Variants in ZNF326 observed in about 807,000 individuals in gnomAD.
ZNF326 encodes DBIRD complex subunit ZNF326.
ZNF326 carries 30 observed loss-of-function variants against 63.1 expected under a neutral mutation model. That is an observed-to-expected ratio of 0.48 (90% CI 0.36 to 0.64). ZNF326 has a LOEUF of 0.64. Among genes scored for constraint, ZNF326 ranks in the 30% least tolerant of loss-of-function variants. The probability of loss-of-function intolerance (pLI) is 0.00; values close to 1 mark genes in which losing one functional copy is unlikely to be tolerated. For synonymous variants in ZNF326, 194 were observed against 228.2 expected (o/e 0.85, Z 1.35); for missense variants, 609 against 720.3 (o/e 0.85, Z 1.77).
In ZNF326 at chr1:90,028,042, G is replaced by A. The variant is rs1650106420; in HGVS notation, c.*341G>A. 4.5e-6 allele frequency: 1 copy of A among 221,602 alleles called. No homozygotes were observed. 13.7% of individuals were successfully genotyped at this position (221,602 alleles called of 1,614,324 possible). On this transcript the variant is annotated 3_prime_UTR_variant, in exon 12 of 12. Coordinates refer to ENST00000340281, the MANE Select transcript of ZNF326 (RefSeq NM_182976.4). ...TATCTTAAATGCTGCTCTTGGGAGTGAATATTCAAGTGTGCATCAATTTTT... is the reference window on the plus strand; with the variant it reads ...TATCTTAAATGCTGCTCTTGGGAGTAAATATTCAAGTGTGCATCAATTTTT...
At chr1:90,006,953 T>C (rs1649019718) in intron 4 of ZNF326, among the ~76,000 whole-genome samples, 1 of 152,230 alleles carries the variant, frequency 6.6e-6, no homozygotes, top group African/African-American at 2.4e-5. Flanking sequence ...TTGTAAATGT[T>C]TTGTAATTTT....
At position 90,013,191 on chromosome 1, in the gene ZNF326, A is replaced by T. The variant is rs370289698; in HGVS notation, c.880A>T (p.Arg294Trp). 1.9e-6 allele frequency: 3 copies of T among 1,611,126 alleles called. No homozygotes were observed. Among genetic ancestry groups the T allele is most frequent in the Non-Finnish European group, 2.5e-6 (3 of 1,178,574 alleles). The change falls in exon 7 of 12, where the codon AGG becomes TGG. Residue 294 changes from arginine to tryptophan, a missense_variant. Arg to Trp is a moderately radical substitution (Grantham distance 101, BLOSUM62 -3). This residue lies in a region of ZNF326 where 399 missense variants were observed against 444.3 expected (regional missense o/e 0.90). Transcript: ENST00000340281. ...RRIEARREKQ[R>W]RRREKNSEKY... ...AATTGAGGCTCGGCGAGAGAAACAA[A>T]GGCGCAGAAGAGAAAAAAACAGTGA...
intron 7 of ZNF326, among the ~76,000 whole-genome samples, chr1:90,017,089 A>G (rs991570939): frequency 1.3e-5 from 2 of 152,116 alleles, no homozygotes; most frequent in Admixed American, 1.3e-4. Flanking sequence ...AATTTTTCCT[A>G]CCCGGAAGCT....
intron 2 of ZNF326, among the ~76,000 whole-genome samples, chr1:90,003,974 G>A (rs1299563063): frequency 3.3e-5 from 5 of 152,026 alleles, no homozygotes; most frequent in South Asian, 2.1e-4. Flanking sequence ...GTGTACTATT[G>A]TATTTATTTG....
In ZNF326 at chr1:90,027,748, G is replaced by A. The variant is rs1214910338; in HGVS notation, c.*47G>A. 1.9e-6 allele frequency: 3 copies of A among 1,562,610 alleles called. No individual in the cohort carries two copies. Among genetic ancestry groups the A allele is most frequent in the African/African-American group, 2.7e-5 (2 of 73,214 alleles). ...AGGAGCTTTACATTTCGGTTCTAAT[G>A]TAAAAAAGGGTAAGAAATTTAATAG... On this transcript the variant is annotated 3_prime_UTR_variant, in exon 12 of 12. Coordinates refer to ENST00000340281, the MANE Select transcript of ZNF326 (RefSeq NM_182976.4).
rs575001321 is a variant in ZNF326, at chr1:90,025,817, A to G, written c.1402-1537A>G. On this transcript the variant is annotated intron_variant, in intron 11 of 11. Coordinates refer to ENST00000340281, the MANE Select transcript of ZNF326 (RefSeq NM_182976.4). ...CCTCAAGAACCCCCATTCTGTATTGATGATTAACTCTAGTGACCTTTTTCA... is the reference window on the plus strand; with the variant it reads ...CCTCAAGAACCCCCATTCTGTATTGGTGATTAACTCTAGTGACCTTTTTCA... Among the ~76,000 whole-genome samples, 39 of 152,294 alleles carry G rather than the reference A, an allele frequency of 2.6e-4. No homozygotes were observed. The South Asian group carries it at 7.3e-3, about 28-fold the overall frequency.
At position 90,031,444 on chromosome 1, in the gene ZNF326, G is replaced by A. The variant is rs1433570732; in HGVS notation, c.*3743G>A. On this transcript the variant is annotated 3_prime_UTR_variant, in exon 12 of 12. Coordinates refer to ENST00000340281, the MANE Select transcript of ZNF326 (RefSeq NM_182976.4). ...CAACATTTGATTTATTTACCAAATT[G>A]TCCTTACTTTGAATATAAGCAAACT... is the stretch of plus-strand genomic sequence containing the variant. 2.0e-5 allele frequency: 3 copies of A among 152,032 alleles called. No homozygotes were observed. The highest frequency in any genetic ancestry group is 7.2e-5 in the African/African-American group (3 of 41,394). The allele number at this position is 152,032 out of a possible 1,614,324, so 9.4% of individuals were successfully genotyped here.
At position 90,020,727 on chromosome 1, in the gene ZNF326, T is replaced by C. The variant is rs182570303; in HGVS notation, c.1175-65T>C. 3.0e-4 allele frequency: 456 copies of C among 1,524,882 alleles called. 1 individual carries two copies. The African/African-American group carries it at 4.3e-3, about 14-fold the overall frequency. 94.5% of individuals were successfully genotyped at this position (1,524,882 alleles called of 1,614,324 possible). On this transcript the variant is annotated intron_variant, in intron 9 of 11. Coordinates refer to ENST00000340281, the MANE Select transcript of ZNF326 (RefSeq NM_182976.4). The stretch of plus-strand genomic sequence containing the variant: ...ATAAATAATCATGGAAATTAAGTAG[T>C]AAAAACTTCATTGGTCAGAAATAAC...
intron 11 of ZNF326, 125 bp from the exon 12 acceptor site, chr1:90,027,229 A>G (rs1157096384): frequency 2.3e-6 from 2 of 863,002 alleles, no homozygotes; most frequent in South Asian, 1.7e-5. Flanking sequence ...TGAATTTGTT[A>G]TAATTTACAA....
Position 90,007,804 on chromosome 1 carries a change from C to T in ZNF326, c.615+54C>T. 1 of 1,405,434 alleles carries T rather than the reference C, an allele frequency of 7.1e-7. No individual in the cohort carries two copies. Among genetic ancestry groups the T allele is most frequent in the Non-Finnish European group, 9.4e-7 (1 of 1,066,648 alleles). 87.1% of individuals were successfully genotyped at this position (1,405,434 alleles called of 1,614,324 possible). The stretch of plus-strand genomic sequence containing the variant: ...TTTTCACTAGTCACTCTTTTAAACC[C>T]TTTCAAGACCATCGTTTTCAACTAG... On this transcript the variant is annotated intron_variant, in intron 5 of 11. Coordinates refer to ENST00000340281, the MANE Select transcript of ZNF326 (RefSeq NM_182976.4). This position sits in a 1 kb window ranked among gnomAD's most constrained non-coding sequence, Gnocchi z 4.9.
chr1:90,013,325 T>A (rs1649344593), intron 7 of ZNF326, 88 bp downstream of exon 7: 1 of 1,029,626 alleles, frequency 9.7e-7, no homozygotes, highest in Non-Finnish European at 1.3e-6. Context: ...TAAAAAGTTC[T>A]TAAGATTCAA....
At position 90,035,497 on chromosome 1, in the gene ZNF326, A is replaced by T. The variant is rs573172088; in HGVS notation, c.*7796A>T. ...GCAAAATCCTTATGAGGAAAATGAT[A>T]CATTTTAATGGAGGAAATAAAATGC... On this transcript the variant is annotated 3_prime_UTR_variant, in exon 12 of 12. Transcript: ENST00000340281. 2.6e-5 allele frequency: 4 copies of T among 152,344 alleles called. No homozygotes were observed. The South Asian group carries it at 8.3e-4, about 32-fold the overall frequency. The allele number at this position is 152,344 out of a possible 1,614,324, so 9.4% of individuals were successfully genotyped here.
At position 90,017,347 on chromosome 1, in the gene ZNF326, T is replaced by G; in HGVS notation, c.957T>G (p.Phe319Leu). The change falls in exon 8 of 12, where the codon TTT becomes TTG. Residue 319 changes from phenylalanine (F) to leucine (L), a missense_variant. Physicochemically the swap from Phe to Leu is conservative, Grantham distance 22. Transcript: ENST00000340281. ...CATTTACATGTTCATTTTGTAAATTTCGAACATTTGAAGAAAAAGATATTG... is the reference window on the plus strand; with the variant it reads ...CATTTACATGTTCATTTTGTAAATTGCGAACATTTGAAGAAAAAGATATTG... ...RMAFTCSFCK[F>L]RTFEEKDIEL... The G allele has an allele frequency of 6.2e-7, 1 of 1,602,664 alleles. No homozygotes were observed. Among genetic ancestry groups the G allele is most frequent in the Non-Finnish European group, 8.5e-7 (1 of 1,176,680 alleles).
At chr1:90,000,510 G>GC (rs781757146) in intron 2 of ZNF326, among the ~76,000 whole-genome samples, 1 of 152,114 alleles carries the variant, frequency 6.6e-6, no homozygotes, top group East Asian at 1.9e-4. Context: ...ACTAGCTTGG[G>GC]CAACATAGTG....
intron 8 of ZNF326, 31 bp from the exon 9 acceptor site, chr1:90,018,654 C>A: frequency 7.5e-7 from 1 of 1,333,462 alleles, no homozygotes; most frequent in Non-Finnish European, 1.1e-6. Flanking sequence ...TCATTGAAAG[C>A]TATTTAGATT....
rs773989977 is a variant in ZNF326 at position 90,010,218 on chromosome 1, G to A, written c.746G>A (p.Ser249Asn). The A allele has an allele frequency of 1.2e-6, 2 of 1,613,794 alleles. No individual in the cohort carries two copies. Among genetic ancestry groups the A allele is most frequent in the Non-Finnish European group, 1.7e-6 (2 of 1,179,862 alleles). ...ATGATGCAGCCATTTAATAAGCCCA[G>A]TGGAACCTTTATCAAGAAACCCAAA... Reference protein sequence around the residue: ...RKMMQPFNKPSGTFIKKPKLA... With the variant: ...RKMMQPFNKPNGTFIKKPKLA... The change falls in exon 6 of 12, where the codon AGT becomes AAT. Residue 249 changes from serine to asparagine, a missense_variant. Transcript: ENST00000340281.
Position 90,022,325 on chromosome 1 carries a change from C to T in ZNF326, c.1381C>T (p.Arg461Ter), listed in dbSNP as rs1175544219. The change falls in exon 11 of 12, where the codon CGA becomes TGA. Residue 461 changes from arginine to a stop codon, truncating the protein, a stop_gained. Coordinates refer to ENST00000340281, the MANE Select transcript of ZNF326 (RefSeq NM_182976.4). LOFTEE classifies it low-confidence loss of function (END_TRUNC). ...TTTAAATAATCCAATAGTGAAGGCGCGATATGAACGTTTTGTTAAGGTAAG... is the reference window on the plus strand; with the variant it reads ...TTTAAATAATCCAATAGTGAAGGCGTGATATGAACGTTTTGTTAAGGTAAG... ...SILNNPIVKA[R>*]YERFVKGENP... is the part of the protein sequence containing the mutation. 3 of 1,611,922 alleles carry T rather than the reference C, an allele frequency of 1.9e-6. No homozygotes were observed. Among genetic ancestry groups the T allele is most frequent in the Admixed American group, 1.7e-5 (1 of 59,804 alleles).
At chr1:90,024,173 A>C (rs1210285316) in intron 11 of ZNF326, among the ~76,000 whole-genome samples, 1 of 152,154 alleles carries the variant, frequency 6.6e-6, no homozygotes, top group Non-Finnish European at 1.5e-5. Flanking sequence ...CTCCACTGTC[A>C]AGTGCTCTCA....
rs578064800 is a variant in ZNF326, at chr1:90,029,801, A to G, written c.*2100A>G. On this transcript the variant is annotated 3_prime_UTR_variant, in exon 12 of 12. Transcript: ENST00000340281. ...CTTTATACAGCCTAGCTAATTTGCA[A>G]GGTAATGATAAATAAAAGTGTATTT... is the stretch of plus-strand genomic sequence containing the variant. The G allele has an allele frequency of 2.3e-4, 21 of 92,912 alleles. No homozygotes were observed. Among genetic ancestry groups the G allele is most frequent in the South Asian group, 1.3e-3 (4 of 2,970 alleles). The allele number at this position is 92,912 out of a possible 1,614,324, so 5.8% of individuals were successfully genotyped here.
Sources: allele counts gnomAD v4.1 joint callset (sites outside exome capture counted in the v4.1 genomes callset), GRCh38; gene constraint gnomAD v4.1.1; regional missense constraint gnomAD v4.1.1; non-coding constraint Gnocchi (gnomAD v3.1); transcripts MANE v1.5; gene names NCBI Gene and HGNC (gene_info 2026-07-23, HGNC 2026-07-21).